Variants in SPATA6 observed in about 807,000 individuals in gnomAD.
The protein encoded by SPATA6 is spermatogenesis associated 6.
Under a neutral mutation model 65.3 loss-of-function variants are expected in SPATA6, and 56 were observed. That is an observed-to-expected ratio of 0.86 (90% CI 0.69 to 1.07). SPATA6 has a LOEUF of 1.07. SPATA6 is among the 50% of genes least tolerant of loss of function. The pLI is 0.00. For missense variants in SPATA6, 590 were observed against 594.8 expected, an observed-to-expected ratio of 0.99 and a Z score of 0.08; for synonymous variants, 199 against 213.2, an observed-to-expected ratio of 0.93 and a Z score of 0.58.
downstream of SPATA6, among the ~76,000 whole-genome samples, chr1:48,291,410 G>T (rs1270275021): frequency 6.6e-6 from 1 of 152,184 alleles, no homozygotes; most frequent in African/African-American, 2.4e-5. Flanking sequence ...TGCAGCTGCT[G>T]TGGGGGATGG....
Position 48,362,191 on chromosome 1 carries a change from T to C in SPATA6, c.910-2421A>G, listed in dbSNP as rs747066368. Reference sequence around the variant, plus strand: ...AACACTTGAGCTCAGGAGTTCTATGTTGCAGTGAGCTATGACTGCACCACT... The same window carrying C: ...AACACTTGAGCTCAGGAGTTCTATGCTGCAGTGAGCTATGACTGCACCACT... On this transcript the variant is annotated intron_variant, in intron 9 of 12. Coordinates refer to ENST00000371847, the MANE Select transcript of SPATA6 (RefSeq NM_019073.4). 1.1e-4 allele frequency among the ~76,000 whole-genome samples: 17 copies of C among 152,146 alleles called. No individual in the cohort carries two copies. In the Middle Eastern group the frequency reaches 0.01, roughly 91 times the overall value.
chr1:48,291,280 G>A (rs1158074340), downstream of SPATA6, among the ~76,000 whole-genome samples: 1 of 152,182 alleles, frequency 6.6e-6, no homozygotes, highest in African/African-American at 2.4e-5. Flanking sequence ...GTGGTAGGCA[G>A]GGCCATAGAG....
In SPATA6 at chr1:48,303,372, C is replaced by A. The variant is rs142493663; in HGVS notation, c.1286+2415G>T. 3.4e-3 allele frequency among the ~76,000 whole-genome samples: 515 copies of A among 152,118 alleles called. 4 individuals are homozygous for A. The highest frequency in any genetic ancestry group is 0.012 in the African/African-American group (493 of 41,502). On this transcript the variant is annotated intron_variant, in intron 12 of 12. Coordinates refer to ENST00000371847, the MANE Select transcript of SPATA6 (RefSeq NM_019073.4). Reference sequence around the variant, plus strand: ...GGCTATCAAACTCTAGAACTTAACCCTTCTTCATAACTGTATTTTTCTACT... The same window carrying A: ...GGCTATCAAACTCTAGAACTTAACCATTCTTCATAACTGTATTTTTCTACT...
the SPATA6 span, among the ~76,000 whole-genome samples, chr1:48,273,583 C>A: frequency 6.6e-6 from 1 of 152,126 alleles, no homozygotes; most frequent in Non-Finnish European, 1.5e-5. Context: ...TGAGTGAGAA[C>A]ATGAGGTGTT....
At chr1:48,313,368 G>A (rs1466446782) in intron 11 of SPATA6, among the ~76,000 whole-genome samples, 1 of 152,204 alleles carries the variant, frequency 6.6e-6, no homozygotes, top group Non-Finnish European at 1.5e-5. Context: ...CTACAAGCCA[G>A]AAGAGAGTGG....
chr1:48,312,532 C>T (rs1266429367), intron 11 of SPATA6, among the ~76,000 whole-genome samples: 2 of 152,114 alleles, frequency 1.3e-5, no homozygotes, highest in Non-Finnish European at 2.9e-5. Context: ...ACACCCAAAC[C>T]AAAAACCCAT....
At chr1:48,291,784 C>T (rs1428550902), downstream of SPATA6, among the ~76,000 whole-genome samples, 1 of 152,160 alleles carries the variant, frequency 6.6e-6, no homozygotes, top group African/African-American at 2.4e-5. Flanking sequence ...TCCTGGTGTT[C>T]CTGCAGTAGT....
chr1:48,372,859 T>C (rs1050955123), intron 9 of SPATA6, among the ~76,000 whole-genome samples: 3 of 152,224 alleles, frequency 2.0e-5, no homozygotes, highest in African/African-American at 4.8e-5. Context: ...AACCTGTAAA[T>C]TGGCCCCTTT....
intron 1 of SPATA6, among the ~76,000 whole-genome samples, chr1:48,468,212 G>A (rs1657960420): frequency 6.6e-6 from 1 of 152,152 alleles, no homozygotes; most frequent in Admixed American, 6.5e-5. Context: ...GTGTGTGTGA[G>A]GGGGTGTGTG....
Position 48,307,755 on chromosome 1 carries a change from A to G in SPATA6, c.1195-1877T>C, listed in dbSNP as rs1012714596. 3.3e-5 allele frequency among the ~76,000 whole-genome samples: 5 copies of G among 151,540 alleles called. No individual in the cohort carries two copies. In the South Asian group the frequency reaches 8.3e-4, roughly 25 times the overall value. ...TTCTATTCTATCAGTTTTTCCTTAT[A>G]TTTTTGGGATCTCTTTTAAGTGCAT... On this transcript the variant is annotated intron_variant, in intron 11 of 12. Coordinates refer to ENST00000371847, the MANE Select transcript of SPATA6 (RefSeq NM_019073.4).
intron 8 of SPATA6, among the ~76,000 whole-genome samples, chr1:48,392,823 G>C (rs1650203560): frequency 6.6e-6 from 1 of 151,948 alleles, no homozygotes; most frequent in African/African-American, 2.4e-5. Context: ...ATGTGTAAGA[G>C]ATCCTACCAT....
intron 7 of SPATA6, among the ~76,000 whole-genome samples, chr1:48,398,310 T>C (rs769311947): frequency 2.6e-5 from 4 of 151,586 alleles, no homozygotes; most frequent in African/African-American, 4.8e-5. Context: ...AAACGACTCA[T>C]AGTCAAAATA....
At chr1:48,372,285 G>A (rs1647366080) in intron 9 of SPATA6, among the ~76,000 whole-genome samples, 1 of 152,146 alleles carries the variant, frequency 6.6e-6, no homozygotes, top group African/African-American at 2.4e-5. Flanking sequence ...AAATACAGCT[G>A]TTCTAAATGA....
intron 3 of SPATA6, among the ~76,000 whole-genome samples, chr1:48,446,268 T>G (rs1557720385): frequency 6.6e-6 from 1 of 152,152 alleles, no homozygotes; most frequent in Non-Finnish European, 1.5e-5. Flanking sequence ...GCCGTGCCAG[T>G]GGTATATACT....
chr1:48,301,771 A>G (rs1029369760), intron 12 of SPATA6, among the ~76,000 whole-genome samples: 1 of 152,164 alleles, frequency 6.6e-6, no homozygotes, highest in Non-Finnish European at 1.5e-5. Context: ...AAGCACATAC[A>G]TTGGGGAAAG....
intron 9 of SPATA6, among the ~76,000 whole-genome samples, chr1:48,376,327 T>C (rs1647902494): frequency 6.6e-6 from 1 of 152,130 alleles, no homozygotes; most frequent in Non-Finnish European, 1.5e-5. Flanking sequence ...CTCCAAAGCC[T>C]AAACAAGATA....
chr1:48,462,720 A>T (rs1013118206), intron 1 of SPATA6, among the ~76,000 whole-genome samples: 4 of 152,214 alleles, frequency 2.6e-5, no homozygotes, highest in African/African-American at 9.6e-5. Flanking sequence ...CAGGACACAA[A>T]GGAAATAACA....
At chr1:48,358,154 G>C (rs1350727874) in intron 10 of SPATA6, among the ~76,000 whole-genome samples, 1 of 151,982 alleles carries the variant, frequency 6.6e-6, no homozygotes, top group Non-Finnish European at 1.5e-5. Flanking sequence ...CATCGATGAA[G>C]AATTTTTGAA....
intron 11 of SPATA6, among the ~76,000 whole-genome samples, chr1:48,309,294 C>A (rs1446944121): frequency 6.6e-6 from 1 of 151,816 alleles, no homozygotes; most frequent in Non-Finnish European, 1.5e-5. Context: ...TATTTTTATT[C>A]TTCTTTCTGT....
Sources: allele counts gnomAD v4.1 joint callset (sites outside exome capture counted in the v4.1 genomes callset), GRCh38; gene constraint gnomAD v4.1.1; transcripts MANE v1.5; gene names NCBI Gene and HGNC (gene_info 2026-07-23, HGNC 2026-07-21).